RGS6: variants seen among roughly 807,000 people sequenced by gnomAD.
The protein encoded by RGS6 is regulator of G-protein signaling 6.
In RGS6, 30 loss-of-function variants were observed where a neutral mutation model predicts 78.5. That is an observed-to-expected ratio of 0.38 (90% CI 0.29 to 0.52). The LOEUF (loss-of-function observed/expected upper bound fraction) is 0.52, where lower values mean the gene tolerates loss of function less well. RGS6 is among the 20% of genes least tolerant of loss of function. The probability of loss-of-function intolerance (pLI) is 0.85; values close to 1 mark genes in which losing one functional copy is unlikely to be tolerated. For missense variants in RGS6, 495 were observed against 609.7 expected, an observed-to-expected ratio of 0.81 and a Z score of 1.98; for synonymous variants, 206 against 206.0, an observed-to-expected ratio of 1.00 and a Z score of 0.00.
intron 2 of RGS6, among the ~76,000 whole-genome samples, chr14:72,127,766 T>G (rs1157943895): frequency 6.6e-6 from 1 of 152,214 alleles, no homozygotes; most frequent in Non-Finnish European, 1.5e-5. Context: ...ATTTTATAGT[T>G]AAGATACAGG....
At chr14:72,581,256 G>A in the RGS6 span, among the ~76,000 whole-genome samples, 10,219 of 152,158 alleles carry the variant, frequency 0.067, 396 homozygotes, top group Middle Eastern at 0.11. Context: ...GCTGCTTGGG[G>A]TTCCTTGTCT....
intron 2 of RGS6, among the ~76,000 whole-genome samples, chr14:72,144,848 A>C (rs944705050): frequency 6.6e-6 from 1 of 152,100 alleles, no homozygotes. Context: ...GCAGTGAAGA[A>C]AGAGTAATTC....
At chr14:72,615,742 CG>C in the RGS6 span, among the ~76,000 whole-genome samples, 1 of 152,212 alleles carries the variant, frequency 6.6e-6, no homozygotes, top group Non-Finnish European at 1.5e-5. Context: ...GCTTCAGGGG[CG>C]ATGAGTCAGT....
At chr14:72,215,180 C>T (rs182638881) in intron 2 of RGS6, among the ~76,000 whole-genome samples, 2,798 of 152,308 alleles carry the variant, frequency 0.018, 29 homozygotes, top group South Asian at 0.029. Flanking sequence ...CCACTCTTCT[C>T]TTCCTCCTTT....
chr14:72,444,712 C>A (rs1269535961), intron 3 of RGS6, among the ~76,000 whole-genome samples: 1 of 24,638 alleles, frequency 4.1e-5, no homozygotes. Flanking sequence ...CACGGGGTGC[C>A]GTTGTCATAT....
intron 3 of RGS6, among the ~76,000 whole-genome samples, chr14:72,453,754 A>G (rs1029381720): frequency 4.6e-5 from 7 of 151,410 alleles, no homozygotes; most frequent in African/African-American, 7.3e-5. Flanking sequence ...TCAGTCCTCA[A>G]TCAAGTCAGA....
At chr14:71,905,197 A>T in the RGS6 span, among the ~76,000 whole-genome samples, 1 of 152,240 alleles carries the variant, frequency 6.6e-6, no homozygotes, top group Non-Finnish European at 1.5e-5. Flanking sequence ...AATGAGAAAC[A>T]ATAAAGAGAG....
At position 72,173,715 on chromosome 14, in the gene RGS6, T is replaced by C. The variant is rs2097060506; in HGVS notation, c.85-178380T>C. 2.0e-5 allele frequency among the ~76,000 whole-genome samples: 3 copies of C among 152,328 alleles called. No homozygotes were observed. The South Asian group carries it at 6.2e-4, about 32-fold the overall frequency. On this transcript the variant is annotated intron_variant, in intron 2 of 17. Transcript: ENST00000553525. ...TCTATTTAAAAATACTCAAAGTCCC[T>C]GAGATCTTTGGATCTAAATAACATA...
chr14:72,297,330 G>A (rs1196432662), intron 2 of RGS6, among the ~76,000 whole-genome samples: 1 of 151,768 alleles, frequency 6.6e-6, no homozygotes, highest in Non-Finnish European at 1.5e-5. Flanking sequence ...AATTTTAATT[G>A]AGATCTATTA....
chr14:72,252,879 T>C (rs1315457547), intron 2 of RGS6, among the ~76,000 whole-genome samples: 1 of 152,188 alleles, frequency 6.6e-6, no homozygotes, highest in East Asian at 1.9e-4. Flanking sequence ...ATCCTAGGTT[T>C]CTCAAAGGGC....
chr14:72,191,677 C>G (rs989268177), intron 2 of RGS6, among the ~76,000 whole-genome samples: 6 of 152,226 alleles, frequency 3.9e-5, no homozygotes, highest in African/African-American at 1.4e-4. Context: ...TTACTTCCCA[C>G]TGGTTGCCTC....
chr14:72,567,579 C>T (rs1025236797), downstream of RGS6, among the ~76,000 whole-genome samples: 9 of 152,190 alleles, frequency 5.9e-5, no homozygotes, highest in East Asian at 1.7e-3. Context: ...TGACAGCTGC[C>T]TCTCTCCCTA....
intron 2 of RGS6, among the ~76,000 whole-genome samples, chr14:72,169,519 G>A (rs1364574248): frequency 6.6e-6 from 1 of 152,228 alleles, no homozygotes; most frequent in Non-Finnish European, 1.5e-5. Flanking sequence ...ACTTAGGGTG[G>A]TGGTGCATCT....
chr14:72,506,827 T>C (rs936639261), intron 13 of RGS6, among the ~76,000 whole-genome samples: 9 of 151,988 alleles, frequency 5.9e-5, no homozygotes, highest in Non-Finnish European at 1.0e-4. Flanking sequence ...GGTGGGCCCC[T>C]AATCCAATAT....
chr14:72,154,867 T>C (rs2096747941), intron 2 of RGS6, among the ~76,000 whole-genome samples: 1 of 152,332 alleles, frequency 6.6e-6, no homozygotes, highest in South Asian at 2.1e-4. Context: ...CAAGGGGACC[T>C]TGATGAGTTA....
intron 2 of RGS6, among the ~76,000 whole-genome samples, chr14:72,082,993 A>G (rs1391685060): frequency 6.6e-6 from 1 of 152,222 alleles, no homozygotes; most frequent in Non-Finnish European, 1.5e-5. Flanking sequence ...TGGTGGGTAT[A>G]GAAATTTGAG....
intron 2 of RGS6, among the ~76,000 whole-genome samples, chr14:72,008,770 A>G (rs988612997): frequency 5.9e-5 from 9 of 152,168 alleles, no homozygotes; most frequent in Admixed American, 5.2e-4. Flanking sequence ...AAGGCTTCAG[A>G]TGATGCAGAC....
the RGS6 span, among the ~76,000 whole-genome samples, chr14:71,875,995 C>G: frequency 2.6e-5 from 4 of 152,214 alleles, no homozygotes; most frequent in African/African-American, 9.7e-5. Flanking sequence ...TTTGATTGCA[C>G]TGTGGTCTGA....
the RGS6 span, among the ~76,000 whole-genome samples, chr14:71,909,576 T>TAG: frequency 8.9e-5 from 13 of 146,122 alleles, no homozygotes; most frequent in Admixed American, 6.1e-4. Context: ...AATAAGGACA[T>TAG]AGAGAGAGGG....
Sources: allele counts gnomAD v4.1 joint callset (sites outside exome capture counted in the v4.1 genomes callset), GRCh38; gene constraint gnomAD v4.1.1; transcripts MANE v1.5; gene names NCBI Gene and HGNC (gene_info 2026-07-23, HGNC 2026-07-21).